The following STIM1 variants were observed in gnomAD, a reference collection of about 807,000 sequenced individuals.
STIM1 encodes the protein stromal interaction molecule 1.
STIM1 carries 25 observed loss-of-function variants against 74.7 expected under a neutral mutation model. That is an observed-to-expected ratio of 0.33 (90% CI 0.24 to 0.47). The LOEUF (loss-of-function observed/expected upper bound fraction) is 0.47, where lower values mean the gene tolerates loss of function less well. STIM1 is among the 20% of genes least tolerant of loss of function. The probability of loss-of-function intolerance (pLI) is 1.00; values close to 1 mark genes in which losing one functional copy is unlikely to be tolerated. For synonymous variants in STIM1, 328 were observed against 348.8 expected, an observed-to-expected ratio of 0.94 and a Z score of 0.66; for missense variants, 728 against 920.8, an observed-to-expected ratio of 0.79 and a Z score of 2.71.
At chr11:3,939,038 C>G (rs1290150623) in intron 1 of STIM1, among the ~76,000 whole-genome samples, 1 of 152,134 alleles carries the variant, frequency 6.6e-6, no homozygotes, top group African/African-American at 2.4e-5. Flanking sequence ...TGTTTGGCCC[C>G]AAGTTGGGCA....
chr11:3,925,643 T>G, intron 1 of STIM1, among the ~76,000 whole-genome samples: 1 of 152,344 alleles, frequency 6.6e-6, no homozygotes. Context: ...CATGATAGCT[T>G]TATTTTATCA....
chr11:4,041,710 C>T (rs1565157428), intron 3 of STIM1, among the ~76,000 whole-genome samples: 1 of 152,066 alleles, frequency 6.6e-6, no homozygotes, highest in African/African-American at 2.4e-5. Context: ...CCACCTCAGC[C>T]TCCCAAGTAG....
chr11:3,917,973 G>A (rs2092670297), intron 1 of STIM1, among the ~76,000 whole-genome samples: 2 of 152,128 alleles, frequency 1.3e-5, no homozygotes, highest in Non-Finnish European at 2.9e-5. Context: ...TCTTTTGCAG[G>A]TGACGGAAAT....
intron 1 of STIM1, among the ~76,000 whole-genome samples, chr11:3,900,484 C>T (rs192331732): frequency 9.2e-5 from 14 of 152,328 alleles, no homozygotes; most frequent in South Asian, 4.1e-4. Flanking sequence ...GAGATGAACC[C>T]GGTACCTCAC....
chr11:3,859,609 C>T (rs2090520388), intron 1 of STIM1, among the ~76,000 whole-genome samples: 1 of 152,196 alleles, frequency 6.6e-6, no homozygotes, highest in African/African-American at 2.4e-5. Flanking sequence ...GGCATCTAGG[C>T]AGTGTGCAGA....
intron 2 of STIM1, among the ~76,000 whole-genome samples, chr11:3,967,932 C>G (rs1369289690): frequency 1.3e-5 from 2 of 152,184 alleles, no homozygotes; most frequent in African/African-American, 2.4e-5. Flanking sequence ...TTGTGTAACA[C>G]TGACTAAGCT....
At chr11:3,901,116 A>C (rs186029449) in intron 1 of STIM1, among the ~76,000 whole-genome samples, 1 of 152,100 alleles carries the variant, frequency 6.6e-6, no homozygotes, top group African/African-American at 2.4e-5. Context: ...GCTTGAACCC[A>C]GGAGGCGGAG....
At chr11:4,044,740 A>G (rs768416517) in intron 3 of STIM1, among the ~76,000 whole-genome samples, 16 of 152,162 alleles carry the variant, frequency 1.1e-4, no homozygotes, top group Non-Finnish European at 1.8e-4. Context: ...CAGCTTAGCT[A>G]TGTAGGAGCG....
intron 2 of STIM1, among the ~76,000 whole-genome samples, chr11:4,002,493 T>A (rs2093728952): frequency 6.7e-6 from 1 of 150,306 alleles, no homozygotes; most frequent in Admixed American, 6.6e-5. Flanking sequence ...GACTACTGGG[T>A]ACATAACGAA....
At chr11:3,988,820 C>G (rs1249550306) in intron 2 of STIM1, among the ~76,000 whole-genome samples, 1 of 152,170 alleles carries the variant, frequency 6.6e-6, no homozygotes, top group South Asian at 2.1e-4. Flanking sequence ...GCTGCTGACT[C>G]CATATTGTCA....
At chr11:3,887,912 A>G (rs895231821) in intron 1 of STIM1, among the ~76,000 whole-genome samples, 7 of 150,650 alleles carry the variant, frequency 4.6e-5, no homozygotes, top group Admixed American at 3.3e-4. Flanking sequence ...GGAGGTTGCA[A>G]TGAGTGGAGA....
chr11:4,060,065 T>C (rs1246045866), intron 5 of STIM1, among the ~76,000 whole-genome samples: 1 of 152,110 alleles, frequency 6.6e-6, no homozygotes, highest in African/African-American at 2.4e-5. Flanking sequence ...GAGGACTAAG[T>C]GGGTTTTCAC....
At chr11:4,073,070 T>TTTC (rs869201831) in intron 6 of STIM1, among the ~76,000 whole-genome samples, 1 of 149,518 alleles carries the variant, frequency 6.7e-6, no homozygotes, top group Admixed American at 6.6e-5. Flanking sequence ...TTTTTTTTTT[T>TTTC]ACAGATTGAG....
At chr11:3,888,189 G>A (rs1458150382) in intron 1 of STIM1, 1 of 152,212 alleles carries the variant, frequency 6.6e-6, no homozygotes, top group African/African-American at 2.4e-5. Context: ...GTTAAGGAGT[G>A]AGGGGTTTGT....
chr11:3,970,691 A>G (rs1390619901), intron 2 of STIM1, among the ~76,000 whole-genome samples: 1 of 152,126 alleles, frequency 6.6e-6, no homozygotes, highest in African/African-American at 2.4e-5. Flanking sequence ...CTTGTTAACT[A>G]TTTTTACAGC....
chr11:4,027,346 C>T (rs1324701094), intron 3 of STIM1, among the ~76,000 whole-genome samples: 1 of 152,086 alleles, frequency 6.6e-6, no homozygotes, highest in Admixed American at 6.5e-5. Context: ...GAGTCTCACT[C>T]TGTCACCTGG....
chr11:4,005,692 C>T (rs2093772408), intron 2 of STIM1, among the ~76,000 whole-genome samples: 1 of 151,936 alleles, frequency 6.6e-6, no homozygotes, highest in Non-Finnish European at 1.5e-5. Context: ...AACTAACCGG[C>T]ACATTGTGCA....
chr11:4,036,403 C>T (rs915917366), intron 3 of STIM1, among the ~76,000 whole-genome samples: 11 of 152,144 alleles, frequency 7.2e-5, no homozygotes, highest in Non-Finnish European at 1.6e-4. Context: ...AATGGTATTT[C>T]TGCTTCTAGA....
rs188203410 is a variant in STIM1, at chr11:4,071,805, G to A, written c.791+1602G>A. On this transcript the variant is annotated intron_variant, in intron 6 of 12. Coordinates refer to ENST00000526596, the MANE Select transcript of STIM1 (RefSeq NM_001382567.1). ...TTGGGGAAATGAAGGCTCAGAGAGGGTAAGTGCTTTGTTCAGGGTCATATA... is the reference window on the plus strand; with the variant it reads ...TTGGGGAAATGAAGGCTCAGAGAGGATAAGTGCTTTGTTCAGGGTCATATA... Among the ~76,000 whole-genome samples the A allele has an allele frequency of 6.5e-4, 99 of 152,320 alleles. 1 individual carries two copies. Among genetic ancestry groups the A allele is most frequent in the African/African-American group, 2.3e-3 (97 of 41,566 alleles).
Sources: gnomAD v4.1 joint callset for allele counts (sites outside exome capture counted in the v4.1 genomes callset) on GRCh38, gnomAD v4.1.1 for gene constraint, MANE v1.5 for transcripts, NCBI Gene and HGNC (gene_info 2026-07-23, HGNC 2026-07-21) for gene names.